The following SUSD1 variants were observed in gnomAD, a reference collection of about 807,000 sequenced individuals.
The protein encoded by SUSD1 is sushi domain containing 1.
A neutral mutation model predicts 86.9 loss-of-function variants in SUSD1; 65 were observed. The ratio of observed to expected loss-of-function variants is 0.75; its 90% CI spans 0.61 to 0.92. SUSD1 has a LOEUF of 0.92. SUSD1 is among the 40% of genes least tolerant of loss of function. SUSD1 has a pLI of 0.00. For missense variants in SUSD1, 850 were observed against 929.7 expected (o/e 0.91, Z 1.11); for synonymous variants, 346 against 350.0 (o/e 0.99, Z 0.13).
At chr9:112,128,512 GC>G (rs2131702384) in intron 5 of SUSD1, among the ~76,000 whole-genome samples, 1 of 152,184 alleles carries the variant, frequency 6.6e-6, no homozygotes, top group Non-Finnish European at 1.5e-5. Context: ...TCCTGCCTCA[GC>G]CTCCTGAGTA....
At chr9:112,047,919 G>T (rs901132678) in intron 15 of SUSD1, among the ~76,000 whole-genome samples, 3 of 152,070 alleles carry the variant, frequency 2.0e-5, no homozygotes, top group African/African-American at 7.2e-5. Flanking sequence ...TTCTTAATAA[G>T]TTACCCAGCC....
intron 12 of SUSD1, among the ~76,000 whole-genome samples, chr9:112,065,244 C>CTGTTTTTAA (rs764294762): frequency 4.7e-4 from 71 of 152,232 alleles, no homozygotes; most frequent in Middle Eastern, 3.4e-3. Flanking sequence ...AAACACCGGC[C>CTGTTTTTAA]AGGGACAGTG....
At chr9:112,105,763 T>C (rs536775007) in intron 8 of SUSD1, among the ~76,000 whole-genome samples, 1 of 152,136 alleles carries the variant, frequency 6.6e-6, no homozygotes, top group Non-Finnish European at 1.5e-5. Context: ...GAAAGCTCAG[T>C]GCAAAACATG....
At chr9:112,109,316 C>T (rs1199145552) in intron 8 of SUSD1, among the ~76,000 whole-genome samples, 1 of 152,132 alleles carries the variant, frequency 6.6e-6, no homozygotes, top group Non-Finnish European at 1.5e-5. Context: ...GAAAACTTCC[C>T]AATTCATTTT....
intron 5 of SUSD1, among the ~76,000 whole-genome samples, chr9:112,140,156 A>G (rs1284621595): frequency 7.8e-6 from 1 of 129,002 alleles, no homozygotes; most frequent in African/African-American, 3.7e-5. Context: ...AGGTCAGGAG[A>G]TCGAGACCAT....
intron 15 of SUSD1, among the ~76,000 whole-genome samples, chr9:112,047,805 C>T (rs1828021621): frequency 6.6e-6 from 1 of 152,064 alleles, no homozygotes; most frequent in Admixed American, 6.6e-5. Context: ...CACTTCTCTA[C>T]CATTGTTCTG....
rs758442726 is a variant in SUSD1, at chr9:112,170,710, T to TATATATATATATAG, written c.103+4422_103+4423insCTATATATATATAT. ...GCCAGATCATATATATATATATATATAGAGAGAGAGAGAGAGAGAGAGAGA... is the reference window on the plus strand; with the variant it reads ...GCCAGATCATATATATATATATATATATATATATATATAGAGAGAGAGAGAGAGAGAGAGAGAGA... On this transcript the variant is annotated intron_variant, in intron 1 of 16. Coordinates refer to ENST00000374270, the MANE Select transcript of SUSD1 (RefSeq NM_022486.5). Among the ~76,000 whole-genome samples the TATATATATATATAG allele has an allele frequency of 3.8e-3, 433 of 113,760 alleles. 1 individual carries two copies. The highest frequency in any genetic ancestry group is 8.3e-3 in the Middle Eastern group (2 of 240). 74.6% of individuals were successfully genotyped at this position (113,760 alleles called of 152,430 possible).
intron 4 of SUSD1, 76 bp downstream of exon 4, chr9:112,143,395 A>C: frequency 6.7e-7 from 1 of 1,492,682 alleles, no homozygotes; most frequent in East Asian, 2.3e-5. Context: ...CCTCCCCAAC[A>C]CAGGCTTGGA....
At position 112,142,506 on chromosome 9, in the gene SUSD1, A is replaced by C. The variant is rs765328649; in HGVS notation, c.527-7T>G. The C allele has an allele frequency of 1.2e-6, 2 of 1,604,646 alleles. No individual in the cohort carries two copies. Among genetic ancestry groups the C allele is most frequent in the Non-Finnish European group, 1.7e-6 (2 of 1,177,848 alleles). ...GGGGTACCACAGTCTATTTCTGAAA[A>C]TAAATTAATGTCAAATTCATTACCT... On this transcript the variant is annotated splice_polypyrimidine_tract_variant and splice_region_variant and intron_variant, in intron 4 of 16. Coordinates refer to ENST00000374270, the MANE Select transcript of SUSD1 (RefSeq NM_022486.5).
chr9:112,174,865 C>T (rs1361036125), intron 1 of SUSD1, among the ~76,000 whole-genome samples: 1 of 151,902 alleles, frequency 6.6e-6, no homozygotes, highest in African/African-American at 2.4e-5. Context: ...AGTGGAGGTC[C>T]CTGGGGGCCC....
intron 12 of SUSD1, among the ~76,000 whole-genome samples, chr9:112,069,141 G>A (rs963959672): frequency 1.2e-4 from 9 of 73,464 alleles, no homozygotes; most frequent in Non-Finnish European, 2.4e-4. Context: ...AGGAGAGATG[G>A]GGGCCAAGGG....
chr9:112,051,890 G>T (rs1828231521), intron 15 of SUSD1, among the ~76,000 whole-genome samples: 1 of 152,034 alleles, frequency 6.6e-6, no homozygotes. Flanking sequence ...CCTCCAACCA[G>T]CCATGAGGAG....
intron 1 of SUSD1, among the ~76,000 whole-genome samples, chr9:112,173,192 G>A (rs1056471705): frequency 2.6e-5 from 4 of 151,946 alleles, no homozygotes; most frequent in Admixed American, 2.0e-4. Flanking sequence ...TCTTAACCAG[G>A]GCACCTAATA....
chr9:112,052,033 C>T (rs1466027978), intron 15 of SUSD1: 4 of 716,188 alleles, frequency 5.6e-6, no homozygotes, highest in East Asian at 5.9e-5. Flanking sequence ...CCAGTGAAAT[C>T]GGTAAGCTGC....
At position 112,041,194 on chromosome 9, in the gene SUSD1, T is replaced by C. The variant is rs1827719660; in HGVS notation, c.*298A>G. 7.4e-6 allele frequency: 4 copies of C among 542,174 alleles called. No individual in the cohort carries two copies. In the South Asian group the frequency reaches 1.1e-4, roughly 15 times the overall value. The allele number at this position is 542,174 out of a possible 1,614,324, so 33.6% of individuals were successfully genotyped here. ...GGAAGTCCCAGCCAAGATTCACAGATCTGTATGTAGCCTTCGGTCAATATC... is the reference window on the plus strand; with the variant it reads ...GGAAGTCCCAGCCAAGATTCACAGACCTGTATGTAGCCTTCGGTCAATATC... On this transcript the variant is annotated 3_prime_UTR_variant, in exon 17 of 17. Transcript: ENST00000374270.
chr9:112,070,055 G>T (rs143082808), intron 12 of SUSD1, among the ~76,000 whole-genome samples: 1 of 152,142 alleles, frequency 6.6e-6, no homozygotes, highest in South Asian at 2.1e-4. Flanking sequence ...GCCCAGGCTG[G>T]AGTGCAATGG....
intron 5 of SUSD1, among the ~76,000 whole-genome samples, chr9:112,138,264 T>TACATATATATATATGTGTATAC (rs1564329025): frequency 3.2e-5 from 2 of 61,814 alleles, no homozygotes; most frequent in Admixed American, 1.9e-4. Context: ...TATGTGTATA[T>TACATATATATATATGTGTATAC]ACATATATAT....
chr9:112,086,921 C>T (rs1237324599), intron 10 of SUSD1, among the ~76,000 whole-genome samples: 1 of 151,612 alleles, frequency 6.6e-6, no homozygotes, highest in Non-Finnish European at 1.5e-5. Context: ...TGTTAACCAT[C>T]CTAAACCAGC....
chr9:112,167,962 A>T (rs1302200622), intron 1 of SUSD1, among the ~76,000 whole-genome samples: 2 of 152,198 alleles, frequency 1.3e-5, no homozygotes, highest in Non-Finnish European at 2.9e-5. Flanking sequence ...AAACCATCAG[A>T]TCTTGTGAGA....
Sources: allele counts gnomAD v4.1 joint callset (sites outside exome capture counted in the v4.1 genomes callset), GRCh38; gene constraint gnomAD v4.1.1; transcripts MANE v1.5; gene names NCBI Gene and HGNC (gene_info 2026-07-23, HGNC 2026-07-21).